The following LHFPL6 variants were observed in gnomAD, a reference collection of about 807,000 sequenced individuals.
The protein encoded by LHFPL6 is LHFPL tetraspan subfamily member 6 protein.
A neutral mutation model predicts 20.6 loss-of-function variants in LHFPL6; 9 were observed. The observed-to-expected ratio is 0.44, with a 90% confidence interval of 0.26 to 0.76. The LOEUF (loss-of-function observed/expected upper bound fraction) is 0.76. LHFPL6 is among the 30% of genes least tolerant of loss of function. The pLI, the probability that LHFPL6 is intolerant of heterozygous loss-of-function variation, is 0.20. For missense variants in LHFPL6, 218 were observed against 253.5 expected, an observed-to-expected ratio of 0.86 and a Z score of 0.95; for synonymous variants, 105 against 98.7, an observed-to-expected ratio of 1.06 and a Z score of -0.38.
At chr13:39,563,243 A>G (rs1190164923) in intron 2 of LHFPL6, among the ~76,000 whole-genome samples, 1 of 152,150 alleles carries the variant, frequency 6.6e-6, no homozygotes, top group African/African-American at 2.4e-5. Flanking sequence ...AACTAAAAAT[A>G]AAAGGGAGCT....
At chr13:39,351,172 C>G (rs186381494) in intron 3 of LHFPL6, among the ~76,000 whole-genome samples, 1 of 152,134 alleles carries the variant, frequency 6.6e-6, no homozygotes, top group Admixed American at 6.5e-5. Context: ...GGATATCAGA[C>G]GTTATACTTG....
chr13:39,450,626 C>T (rs1872416441), intron 2 of LHFPL6, among the ~76,000 whole-genome samples: 1 of 152,082 alleles, frequency 6.6e-6, no homozygotes, highest in Admixed American at 6.5e-5. Context: ...TCAGTAGGTG[C>T]TGCTAGTACA....
chr13:39,584,181 A>C (rs4456374), intron 2 of LHFPL6, among the ~76,000 whole-genome samples: 132,084 of 152,212 alleles, frequency 0.87, 57,494 homozygotes, highest in South Asian at 0.92. Context: ...CTGAGCAGCA[A>C]TGTATCTCCA....
intron 2 of LHFPL6, among the ~76,000 whole-genome samples, chr13:39,590,695 A>C (rs1872568396): frequency 6.6e-6 from 1 of 152,240 alleles, no homozygotes; most frequent in African/African-American, 2.4e-5. Context: ...GAATCATGTA[A>C]GTATCATTGA....
intron 1 of LHFPL6, among the ~76,000 whole-genome samples, chr13:39,601,878 T>C (rs988160033): frequency 2.6e-5 from 4 of 152,216 alleles, no homozygotes; most frequent in African/African-American, 9.6e-5. Flanking sequence ...TTTTTCACAA[T>C]TGCAGAGTAC....
intron 2 of LHFPL6, among the ~76,000 whole-genome samples, chr13:39,500,149 T>C (rs561891556): frequency 2.7e-4 from 41 of 152,312 alleles, no homozygotes; most frequent in African/African-American, 9.6e-4. Context: ...TTTCCAGGTA[T>C]AAGCCCTTTG....
chr13:39,413,168 G>A (rs1871272456), intron 2 of LHFPL6, among the ~76,000 whole-genome samples: 1 of 152,028 alleles, frequency 6.6e-6, no homozygotes, highest in African/African-American at 2.4e-5. Flanking sequence ...TTCAAAAGAG[G>A]GAGAGATGAT....
intron 2 of LHFPL6, among the ~76,000 whole-genome samples, chr13:39,526,695 T>G (rs1379435491): frequency 6.6e-6 from 1 of 152,196 alleles, no homozygotes; most frequent in East Asian, 1.9e-4. Context: ...AGTCAAAGAT[T>G]CATTCATCCT....
At chr13:39,413,710 G>A (rs1871288772) in intron 2 of LHFPL6, among the ~76,000 whole-genome samples, 1 of 151,692 alleles carries the variant, frequency 6.6e-6, no homozygotes, top group African/African-American at 2.4e-5. Flanking sequence ...ATATTGACAA[G>A]TGTACATATA....
At chr13:39,395,124 T>C (rs17803662) in intron 2 of LHFPL6, among the ~76,000 whole-genome samples, 7,545 of 152,202 alleles carry the variant, frequency 0.05, 192 homozygotes, top group Middle Eastern at 0.071. Context: ...CAGCTGCAAA[T>C]TCCTAGCTTA....
At chr13:39,467,444 C>T (rs1294514385) in intron 2 of LHFPL6, among the ~76,000 whole-genome samples, 2 of 152,004 alleles carry the variant, frequency 1.3e-5, no homozygotes, top group Non-Finnish European at 2.9e-5. Context: ...CAAACAATAC[C>T]CTGAAATATG....
intron 2 of LHFPL6, among the ~76,000 whole-genome samples, chr13:39,383,807 C>A (rs988860131): frequency 2.6e-5 from 4 of 152,230 alleles, no homozygotes; most frequent in Admixed American, 6.5e-5. Context: ...TGGTATTCCA[C>A]ATTCACACCT....
At chr13:39,410,102 T>A (rs1871212793) in intron 2 of LHFPL6, among the ~76,000 whole-genome samples, 1 of 152,240 alleles carries the variant, frequency 6.6e-6, no homozygotes, top group African/African-American at 2.4e-5. Context: ...GTGTTAAAAT[T>A]GTCTACCTAC....
intron 2 of LHFPL6, among the ~76,000 whole-genome samples, chr13:39,446,665 A>G (rs549095153): frequency 7.3e-6 from 1 of 136,402 alleles, no homozygotes; most frequent in South Asian, 2.8e-4. Context: ...TAGAGAAACT[A>G]AGATTTAGGA....
At chr13:39,532,685 T>C (rs569053375) in intron 2 of LHFPL6, among the ~76,000 whole-genome samples, 11 of 152,292 alleles carry the variant, frequency 7.2e-5, no homozygotes, top group African/African-American at 2.2e-4. Flanking sequence ...GAATGTTTTC[T>C]AGACTAGTAA....
Position 39,378,504 on chromosome 13 carries a change from A to G in LHFPL6, c.408T>C (p.Cys136=), listed in dbSNP as rs998435621. The change falls in exon 3 of 4, where the codon TGT becomes TGC. Residue 136 remains cysteine, a synonymous_variant. Transcript: ENST00000379589. ...TGTCCCAGCCCAAGGGGTAGAGGGC[A>G]CAGCCAGCACCAATCAACAAGCCTG... ...FLGGLLIGAG[C]ALYPLGWDSE... is the part of the protein sequence containing the mutation. 6.2e-7 allele frequency: 1 copy of G among 1,613,860 alleles called. No individual in the cohort carries two copies. The highest frequency in any genetic ancestry group is 8.5e-7 in the Non-Finnish European group (1 of 1,179,938).
At chr13:39,381,040 A>C (rs904024481) in intron 2 of LHFPL6, among the ~76,000 whole-genome samples, 4 of 152,172 alleles carry the variant, frequency 2.6e-5, no homozygotes, top group African/African-American at 9.7e-5. Flanking sequence ...AGTCCACACT[A>C]AATGTAATGT....
chr13:39,436,034 T>C (rs948216778), intron 2 of LHFPL6, among the ~76,000 whole-genome samples: 3 of 151,578 alleles, frequency 2.0e-5, no homozygotes, highest in Non-Finnish European at 4.4e-5. Context: ...AATTAATAAA[T>C]ATATAAATAT....
chr13:39,462,723 G>T (rs1872714937), intron 2 of LHFPL6, among the ~76,000 whole-genome samples: 1 of 152,162 alleles, frequency 6.6e-6, no homozygotes, highest in Admixed American at 6.5e-5. Context: ...GTAGATGGCA[G>T]AGGCAAGAAT....
Sources: allele counts gnomAD v4.1 joint callset (sites outside exome capture counted in the v4.1 genomes callset), GRCh38; gene constraint gnomAD v4.1.1; transcripts MANE v1.5; gene names NCBI Gene and HGNC (gene_info 2026-07-23, HGNC 2026-07-21).